The following TIMELESS variants were observed in gnomAD, a reference collection of about 807,000 sequenced individuals.
The protein encoded by TIMELESS is protein timeless homolog.
In TIMELESS, 124 loss-of-function variants were observed where a neutral mutation model predicts 164.3. That is an observed-to-expected ratio of 0.75 (90% CI 0.65 to 0.88). The LOEUF (loss-of-function observed/expected upper bound fraction) is 0.88, where lower values mean the gene tolerates loss of function less well. TIMELESS is among the 40% of genes least tolerant of loss of function. The probability of loss-of-function intolerance (pLI) is 0.00; values close to 1 mark genes in which losing one functional copy is unlikely to be tolerated. For synonymous variants in TIMELESS, 564 were observed against 563.4 expected (o/e 1.00, Z -0.02); for missense variants, 1,422 against 1,491.4 (o/e 0.95, Z 0.77).
chr12:56,421,149 G>C lies in TIMELESS; in HGVS notation c.2869-15C>G. 6.2e-7 allele frequency: 1 copy of C among 1,613,462 alleles called. No individual in the cohort carries two copies. The highest frequency in any genetic ancestry group is 8.5e-7 in the Non-Finnish European group (1 of 1,179,922). On this transcript the variant is annotated splice_polypyrimidine_tract_variant and intron_variant, in intron 23 of 28. Transcript: ENST00000553532. The stretch of plus-strand genomic sequence containing the variant: ...GCTCCATTTGGCTAAAATTCATTGG[G>C]GGTTGGGGGAATGAAAATGAAGGCA...
In TIMELESS at chr12:56,423,672, C is replaced by T. The variant is rs747260540; in HGVS notation, c.2002G>A (p.Glu668Lys). 1.2e-6 allele frequency: 2 copies of T among 1,614,040 alleles called. No homozygotes were observed. The highest frequency in any genetic ancestry group is 1.7e-5 in the Admixed American group (1 of 59,992). The change falls in exon 17 of 29, where the codon GAA (glutamate) becomes AAA (lysine). Residue 668 changes from glutamate (E) to lysine (K), a missense_variant. Physicochemically the swap from Glu to Lys is moderately conservative, Grantham distance 56. Transcript: ENST00000553532. ...QGPEERGAEE[E>K]EEEEEEEEEE... ...TCTTCCTCCTCCTCCTCCTCTTCTT[C>T]TTCCTCTGCCCCACGTTCCTCTGGG...
chr12:56,442,706 G>A (rs1868293437), intron 1 of TIMELESS, among the ~76,000 whole-genome samples: 1 of 152,072 alleles, frequency 6.6e-6, no homozygotes, highest in South Asian at 2.1e-4. Flanking sequence ...AAAACCAAAC[G>A]ACCCTCTATA....
At chr12:56,440,507 C>T (rs17118634) in intron 1 of TIMELESS, among the ~76,000 whole-genome samples, 11,329 of 152,162 alleles carry the variant, frequency 0.074, 1,377 homozygotes, top group African/African-American at 0.25. Flanking sequence ...TCCAAGGATC[C>T]TCTTTGAGAC....
At position 56,438,634 on chromosome 12, in the gene TIMELESS, C is replaced by T. The variant is rs978319204; in HGVS notation, c.-61-4403G>A. Reference sequence around the variant, plus strand: ...AAAAAATTTAAAAAATGAAATTATCCGAGTGTGGTGGTGTGTGCTTGTGGT... The same window carrying T: ...AAAAAATTTAAAAAATGAAATTATCTGAGTGTGGTGGTGTGTGCTTGTGGT... On this transcript the variant is annotated intron_variant, in intron 1 of 28. Transcript: ENST00000553532. 5.3e-5 allele frequency among the ~76,000 whole-genome samples: 8 copies of T among 151,484 alleles called. No homozygotes were observed. In the East Asian group the frequency reaches 5.8e-4, roughly 11 times the overall value.
At chr12:56,433,685 A>C in intron 3 of TIMELESS, 33 bp from the exon 4 acceptor site, 1 of 1,613,944 alleles carries the variant, frequency 6.2e-7, no homozygotes, top group Non-Finnish European at 8.5e-7. Flanking sequence ...GAAGTTGTTA[A>C]GTTTCTTTAC....
At chr12:56,447,200 T>G (rs1215164827) in intron 1 of TIMELESS, among the ~76,000 whole-genome samples, 9 of 148,054 alleles carry the variant, frequency 6.1e-5, no homozygotes, top group South Asian at 2.1e-4. Context: ...TTTTTTTTTT[T>G]TTTTTTTTTA....
At chr12:56,423,994 G>T in intron 15 of TIMELESS, 100 bp from the exon 16 acceptor site, 1 of 1,085,258 alleles carries the variant, frequency 9.2e-7, no homozygotes, top group Non-Finnish European at 1.3e-6. Flanking sequence ...TCTTTTGTTG[G>T]CCAGAAACAG....
chr12:56,423,223 C>A, intron 18 of TIMELESS, 51 bp downstream of exon 18: 1 of 1,591,612 alleles, frequency 6.3e-7, no homozygotes. Context: ...TATTTATTTA[C>A]CTGAGGGTTC....
intron 10 of TIMELESS, among the ~76,000 whole-genome samples, chr12:56,429,606 A>G (rs1489392852): frequency 7.3e-6 from 1 of 137,002 alleles, no homozygotes; most frequent in Admixed American, 8.2e-5. Flanking sequence ...GGTTCAAGTG[A>G]TTATCCTGCC....
chr12:56,427,270 G>A (rs780505104), intron 13 of TIMELESS, among the ~76,000 whole-genome samples: 4 of 152,064 alleles, frequency 2.6e-5, no homozygotes, highest in Non-Finnish European at 5.9e-5. Flanking sequence ...CTACAGGTGC[G>A]TGCCATCACA....
chr12:56,433,782 G>A lies in TIMELESS; in HGVS notation c.242C>T (p.Ala81Val). 1 of 1,614,212 alleles carries A rather than the reference G, an allele frequency of 6.2e-7. No homozygotes were observed. Among genetic ancestry groups the A allele is most frequent in the Non-Finnish European group, 8.5e-7 (1 of 1,180,040 alleles). The change falls in exon 3 of 29, where the codon GCT becomes GTT. Residue 81 changes from alanine to valine, a missense_variant. Physicochemically the swap from Ala to Val is moderately conservative, Grantham distance 64. Coordinates refer to ENST00000553532, the MANE Select transcript of TIMELESS (RefSeq NM_003920.5). ...QHHQDKPLFD[A>V]VIRLMVNLTQ... ...AAGCTAGGGAGGCAACCTGATAACA[G>A]CATCAAAGAGAGGCTTGTCCTGGTG...
chr12:56,424,026 T>C (rs1023675907), intron 15 of TIMELESS, 132 bp from the exon 16 acceptor site: 10 of 791,036 alleles, frequency 1.3e-5, no homozygotes, highest in Admixed American at 2.8e-5. Context: ...TTACCTCAAA[T>C]GAAACAAAGA....
chr12:56,423,415 AT>A lies in TIMELESS; in HGVS notation c.2150del (p.Asn717IlefsTer10), dbSNP rs759219626. On this transcript the variant is annotated frameshift_variant, in exon 18 of 29. Coordinates refer to ENST00000553532, the MANE Select transcript of TIMELESS (RefSeq NM_003920.5). LOFTEE classifies it high-confidence loss of function. The stretch of plus-strand genomic sequence containing the variant: ...CAATGCAATGGTTAGTGTGGGCACT[AT>A]TCTGCTGGTAGCTCCTTAGTAGCAG... ...YVLLLRSYQQ[N>X]SAHTNHCIVK... 1 of 1,614,146 alleles carries A rather than the reference AT, an allele frequency of 6.2e-7. No individual in the cohort carries two copies. The highest frequency in any genetic ancestry group is 1.7e-5 in the Admixed American group (1 of 59,998).
chr12:56,421,195 T>A, intron 23 of TIMELESS, 61 bp from the exon 24 acceptor site: 2 of 1,606,550 alleles, frequency 1.2e-6, no homozygotes, highest in Non-Finnish European at 1.7e-6. Context: ...CTTAGTGGAG[T>A]CTCCTCGTTC....
intron 13 of TIMELESS, among the ~76,000 whole-genome samples, chr12:56,425,567 T>TA (rs1359614444): frequency 1.3e-5 from 2 of 152,160 alleles, no homozygotes; most frequent in Non-Finnish European, 2.9e-5. Flanking sequence ...ATAAAGCCTC[T>TA]AATTTTTTCT....
Position 56,433,521 on chromosome 12 carries a change from C to T in TIMELESS, c.366+17G>A. On this transcript the variant is annotated intron_variant, in intron 4 of 28. Coordinates refer to ENST00000553532, the MANE Select transcript of TIMELESS (RefSeq NM_003920.5). ...TGCCCCATATTCCACCCCAGGGACT[C>T]CAAAGGAAATCCTCACCTCTTTGTA... is the stretch of plus-strand genomic sequence containing the variant. The T allele has an allele frequency of 1.2e-6, 2 of 1,614,150 alleles. No homozygotes were observed. The highest frequency in any genetic ancestry group is 1.3e-5 in the African/African-American group (1 of 75,050).
At chr12:56,428,787 T>G (rs1881763545) in intron 11 of TIMELESS, 96 bp downstream of exon 11, 1 of 1,494,020 alleles carries the variant, frequency 6.7e-7, no homozygotes, top group Non-Finnish European at 9.2e-7. Context: ...CTCCCCAGAC[T>G]GATCACCTGA....
In TIMELESS at chr12:56,424,930, C is replaced by T. The variant is rs557950879; in HGVS notation, c.1717-17G>A. ...CTCAGAATTCTAGAGATGGATAAAG[C>T]TATGGGAGCGGAGGGAGTGGAAAAC... On this transcript the variant is annotated splice_polypyrimidine_tract_variant and intron_variant, in intron 14 of 28. Transcript: ENST00000553532. 3 of 1,614,106 alleles carry T rather than the reference C, an allele frequency of 1.9e-6. No individual in the cohort carries two copies. In the South Asian group the frequency reaches 3.3e-5, roughly 18 times the overall value.
rs745479303 is a variant in TIMELESS at position 56,416,504 on chromosome 12, A to G, written c.*1212T>C. 6 of 152,130 alleles carry G rather than the reference A, an allele frequency of 3.9e-5. No individual in the cohort carries two copies. Among genetic ancestry groups the G allele is most frequent in the Non-Finnish European group, 7.3e-5 (5 of 68,028 alleles). 9.4% of individuals were successfully genotyped at this position (152,130 alleles called of 1,614,324 possible). A position where few individuals can be genotyped will look rare whatever the true frequency, so the allele number is the denominator to read the frequency against. Reference sequence around the variant, plus strand: ...GTTTCCAAGAATGGGTAAGAACATAATATTTGCAGTATTTATCCATCCTTT... The same window carrying G: ...GTTTCCAAGAATGGGTAAGAACATAGTATTTGCAGTATTTATCCATCCTTT... On this transcript the variant is annotated 3_prime_UTR_variant, in exon 29 of 29. Coordinates refer to ENST00000553532, the MANE Select transcript of TIMELESS (RefSeq NM_003920.5).
Sources: gnomAD v4.1 joint callset for allele counts (sites outside exome capture counted in the v4.1 genomes callset) on GRCh38, gnomAD v4.1.1 for gene constraint, MANE v1.5 for transcripts, NCBI Gene and HGNC (gene_info 2026-07-23, HGNC 2026-07-21) for gene names.